The following LRRC42 variants were observed in gnomAD, a reference collection of about 807,000 sequenced individuals.
LRRC42 encodes the protein leucine rich repeat containing 42, also known as leucine-rich repeat-containing protein 42.
LRRC42 carries 43 observed loss-of-function variants against 44.3 expected under a neutral mutation model. The observed-to-expected ratio is 0.97, with a 90% confidence interval of 0.76 to 1.25. LRRC42 has a LOEUF of 1.25. Ranked by LOEUF, LRRC42 falls within the 50% of genes most tolerant of loss-of-function variation. The pLI is 0.00. For synonymous variants in LRRC42, 207 were observed against 195.2 expected (o/e 1.06, Z -0.50); for missense variants, 540 against 509.1 (o/e 1.06, Z -0.58).
intron 8 of LRRC42, among the ~76,000 whole-genome samples, chr1:53,966,650 C>T (rs2100934245): frequency 6.6e-6 from 1 of 152,094 alleles, no homozygotes; most frequent in Admixed American, 6.5e-5. Flanking sequence ...ATATAGAATA[C>T]AGAAGATGAA....
chr1:53,948,356 CAT>C (rs1233350562), intron 2 of LRRC42, among the ~76,000 whole-genome samples: 5 of 152,154 alleles, frequency 3.3e-5, no homozygotes, highest in African/African-American at 7.2e-5. Context: ...AAAAAACTGT[CAT>C]GTGTAGTTAT....
Position 53,958,220 on chromosome 1 carries a change from G to T in LRRC42, c.545G>T (p.Cys182Phe), listed in dbSNP as rs776488489. ...GAGCTGACCTGCCTGGATCTTTCCT[G>T]TTGCAAGCTTGGAGATGAGCATGAA... ...FRELTCLDLS[C>F]CKLGDEHELL... Residue 182 changes from cysteine to phenylalanine, a missense_variant, in exon 4 of 9, where the codon TGT (cysteine) becomes TTT (phenylalanine). Coordinates refer to ENST00000371370, the MANE Select transcript of LRRC42 (RefSeq NM_001256409.2). The T allele has an allele frequency of 6.2e-7, 1 of 1,613,902 alleles. No homozygotes were observed. The highest frequency in any genetic ancestry group is 8.5e-7 in the Non-Finnish European group (1 of 1,179,848).
chr1:53,956,588 C>G (rs1654847971), intron 3 of LRRC42, among the ~76,000 whole-genome samples: 1 of 152,272 alleles, frequency 6.6e-6, no homozygotes, highest in Admixed American at 6.5e-5. Flanking sequence ...TGTGCTCTTT[C>G]TATTGCTTTT....
intron 7 of LRRC42, among the ~76,000 whole-genome samples, chr1:53,965,378 TAAAC>T (rs756299508): frequency 6.6e-6 from 1 of 151,998 alleles, no homozygotes; most frequent in African/African-American, 2.4e-5. Context: ...CATTCCATAA[TAAAC>T]AAATATTAAA....
chr1:53,959,426 C>T (rs1334719436), intron 4 of LRRC42, among the ~76,000 whole-genome samples: 1 of 152,168 alleles, frequency 6.6e-6, no homozygotes, highest in African/African-American at 2.4e-5. Flanking sequence ...AGAAGAACAA[C>T]AGCATTACAA....
chr1:53,966,366 C>T lies in LRRC42; in HGVS notation c.998C>T (p.Ala333Val), dbSNP rs1237315293. ...CGGGAGACCTCGGAGCCTAGAGCAG[C>T]AGCTCAGCGCTTCTGTGAGAAATTC... ...KPRETSEPRA[A>V]AQRFYGKRSR... is the part of the protein sequence containing the mutation. Residue 333 changes from alanine (A) to valine (V), a missense_variant, in exon 8 of 9, where the codon GCA becomes GTA. Ala to Val is a moderately conservative substitution (Grantham distance 64). Coordinates refer to ENST00000371370, the MANE Select transcript of LRRC42 (RefSeq NM_001256409.2). 2 of 1,613,202 alleles carry T rather than the reference C, an allele frequency of 1.2e-6. No homozygotes were observed. The highest frequency in any genetic ancestry group is 8.5e-7 in the Non-Finnish European group (1 of 1,179,136).
chr1:53,967,424 G>A (rs1655156719), intron 8 of LRRC42, among the ~76,000 whole-genome samples: 1 of 152,070 alleles, frequency 6.6e-6, no homozygotes, highest in South Asian at 2.1e-4. Context: ...ACTTACCCAC[G>A]GTCACTTCTA....
At chr1:53,957,583 G>C (rs1654874912) in intron 3 of LRRC42, among the ~76,000 whole-genome samples, 1 of 152,204 alleles carries the variant, frequency 6.6e-6, no homozygotes, top group African/African-American at 2.4e-5. Flanking sequence ...CCTTGTAGCA[G>C]TCTTGCTGTA....
chr1:53,958,323 G>C, intron 4 of LRRC42, 43 bp downstream of exon 4: 1 of 1,605,800 alleles, frequency 6.2e-7, no homozygotes, highest in Non-Finnish European at 8.5e-7. Flanking sequence ...TTTCAGTATT[G>C]TTTTAAAGGC....
chr1:53,961,488 T>C (rs1036396118), intron 5 of LRRC42, among the ~76,000 whole-genome samples: 3 of 152,148 alleles, frequency 2.0e-5, no homozygotes, highest in Admixed American at 6.5e-5. Context: ...TTTTTGAGCA[T>C]CTACAATGTG....
chr1:53,965,044 C>T (rs547346677), intron 7 of LRRC42, among the ~76,000 whole-genome samples: 17 of 137,668 alleles, frequency 1.2e-4, no homozygotes, highest in African/African-American at 4.3e-4. Context: ...CTCGCTCTGT[C>T]GCCCAGTCTG....
At chr1:53,959,429 C>G (rs946071436) in intron 4 of LRRC42, among the ~76,000 whole-genome samples, 1 of 152,156 alleles carries the variant, frequency 6.6e-6, no homozygotes, top group Non-Finnish European at 1.5e-5. Context: ...AGAACAACAG[C>G]ATTACAAACC....
chr1:53,962,080 T>G lies in LRRC42; in HGVS notation c.771T>G (p.Phe257Leu), dbSNP rs771939029. 1 of 1,614,108 alleles carries G rather than the reference T, an allele frequency of 6.2e-7. No homozygotes were observed. Among genetic ancestry groups the G allele is most frequent in the South Asian group, 1.1e-5 (1 of 91,076 alleles). The change falls in exon 6 of 9, where the codon TTT (phenylalanine) becomes TTG (leucine). Residue 257 changes from phenylalanine to leucine, a missense_variant. Phe to Leu is a conservative substitution (Grantham distance 22, BLOSUM62 0). Coordinates refer to ENST00000371370, the MANE Select transcript of LRRC42 (RefSeq NM_001256409.2). ...CAGGCATTGGATACCTCTTTTCTTT[T>G]AGGAAACTAAACTGCTTAGATATCT... Reference protein sequence around the residue: ...TDAGIGYLFSFRKLNCLDISG... With the variant: ...TDAGIGYLFSLRKLNCLDISG...
intron 3 of LRRC42, among the ~76,000 whole-genome samples, chr1:53,956,585 T>C (rs1654847779): frequency 6.6e-6 from 1 of 152,218 alleles, no homozygotes; most frequent in Non-Finnish European, 1.5e-5. Context: ...GTCTGTGCTC[T>C]TTCTATTGCT....
intron 5 of LRRC42, 166 bp from the exon 6 acceptor site, chr1:53,961,868 C>A (rs749611398): frequency 5.2e-6 from 3 of 580,860 alleles, no homozygotes; most frequent in Non-Finnish European, 9.1e-6. Context: ...TTTTATATTA[C>A]AAATAGTAAA....
rs79595438 is a variant in LRRC42, at chr1:53,951,392, A to G, written c.-14-594A>G. Among the ~76,000 whole-genome samples the G allele has an allele frequency of 9.3e-3, 1,418 of 152,296 alleles. 28 individuals are homozygous for G. The highest frequency in any genetic ancestry group is 0.033 in the African/African-American group (1,352 of 41,554). Reference sequence around the variant, plus strand: ...TGACATCTGTGACAACTTCCTTAGCATGAATTTTGAAGATGAGATTTTGAC... The same window carrying G: ...TGACATCTGTGACAACTTCCTTAGCGTGAATTTTGAAGATGAGATTTTGAC... On this transcript the variant is annotated intron_variant, in intron 2 of 8. Coordinates refer to ENST00000371370, the MANE Select transcript of LRRC42 (RefSeq NM_001256409.2).
In LRRC42 at chr1:53,966,292, T is replaced by C; in HGVS notation, c.928-4T>C. 2 of 1,610,342 alleles carry C rather than the reference T, an allele frequency of 1.2e-6. No homozygotes were observed. The highest frequency in any genetic ancestry group is 1.7e-6 in the Non-Finnish European group (2 of 1,176,566). ...GGATTCAAATCTTTCCAAATATGTT[T>C]CAGATCGTTCTGCAGTGGGAGCGTG... On this transcript the variant is annotated splice_region_variant and splice_polypyrimidine_tract_variant and intron_variant, in intron 7 of 8. Coordinates refer to ENST00000371370, the MANE Select transcript of LRRC42 (RefSeq NM_001256409.2).
intron 3 of LRRC42, among the ~76,000 whole-genome samples, chr1:53,954,679 C>T (rs1654783314): frequency 6.6e-6 from 1 of 152,154 alleles, no homozygotes; most frequent in African/African-American, 2.4e-5. Context: ...ACCCTTATAG[C>T]TTAATATTTG....
chr1:53,954,705 C>T (rs180908677), intron 3 of LRRC42, among the ~76,000 whole-genome samples: 33 of 152,308 alleles, frequency 2.2e-4, no homozygotes, highest in Non-Finnish European at 3.5e-4. Context: ...CTGTTGAAAA[C>T]GCCGTTTATC....
Sources: allele counts gnomAD v4.1 joint callset (sites outside exome capture counted in the v4.1 genomes callset), GRCh38; gene constraint gnomAD v4.1.1; transcripts MANE v1.5; gene names NCBI Gene and HGNC (gene_info 2026-07-23, HGNC 2026-07-21).